The following ARMC10 variants were observed in gnomAD, a reference collection of about 807,000 sequenced individuals.
The protein encoded by ARMC10 is armadillo repeat containing 10, also known as armadillo repeat-containing protein 10.
A neutral mutation model predicts 30.2 loss-of-function variants in ARMC10; 23 were observed. That is an observed-to-expected ratio of 0.76 (90% CI 0.55 to 1.08). ARMC10 has a LOEUF of 1.08. Ranked by LOEUF, ARMC10 falls within the 50% of genes least tolerant of loss-of-function variation. ARMC10 has a pLI of 0.00. For missense variants in ARMC10, 303 were observed against 413.7 expected, an observed-to-expected ratio of 0.73 and a Z score of 2.32; for synonymous variants, 111 against 164.4, an observed-to-expected ratio of 0.68 and a Z score of 2.48.
intron 5 of ARMC10, among the ~76,000 whole-genome samples, chr7:103,094,302 C>T (rs937644998): frequency 6.6e-6 from 1 of 152,132 alleles, no homozygotes; most frequent in Non-Finnish European, 1.5e-5. Flanking sequence ...TTTAAAATGT[C>T]CTAGTGTCAC....
At position 103,075,185 on chromosome 7, in the gene ARMC10, C is replaced by G. The variant is rs1799573868; in HGVS notation, c.-88C>G. The G allele has an allele frequency of 3.0e-6, 3 of 987,148 alleles. No individual in the cohort carries two copies. Among genetic ancestry groups the G allele is most frequent in the African/African-American group, 1.7e-5 (1 of 58,014 alleles). The allele number at this position is 987,148 out of a possible 1,614,324, so 61.1% of individuals were successfully genotyped here. A position where few individuals can be genotyped will look rare whatever the true frequency, so the allele number is the denominator to read the frequency against. ...GGTCAGGTGGCGTTTGCTGTGGCGGCTAGGCCCGCGTGCGCTGGAGACCTC... is the reference window on the plus strand; with the variant it reads ...GGTCAGGTGGCGTTTGCTGTGGCGGGTAGGCCCGCGTGCGCTGGAGACCTC... On this transcript the variant is annotated 5_prime_UTR_variant, in exon 1 of 7. Transcript: ENST00000323716.
rs1421622607 is a variant in ARMC10, at chr7:103,075,404, G to A, written c.132G>A (p.Lys44=). 1 of 1,291,530 alleles carries A rather than the reference G, an allele frequency of 7.7e-7. No individual in the cohort carries two copies. Among genetic ancestry groups the A allele is most frequent in the Non-Finnish European group, 9.8e-7 (1 of 1,016,738 alleles). 80.0% of individuals were successfully genotyped at this position (1,291,530 alleles called of 1,614,324 possible). ...GCGAGCTCGGGATACGCTCTTCGAAGTCCGCAGGTGGGACCCCGGGGTTTC... is the reference window on the plus strand; with the variant it reads ...GCGAGCTCGGGATACGCTCTTCGAAATCCGCAGGTGGGACCCCGGGGTTTC... The part of the protein sequence containing the change: ...GDRELGIRSS[K]SAGALEEGTS... The change falls in exon 1 of 7, where the codon AAG becomes AAA. Residue 44 remains lysine (K), a synonymous_variant. Transcript: ENST00000323716.
At chr7:103,096,938 G>T in intron 5 of ARMC10, 1 of 293,544 alleles carries the variant, frequency 3.4e-6, no homozygotes, top group Middle Eastern at 1.1e-3. Context: ...ATAACCGTGT[G>T]ATAGAAAACC....
intron 3 of ARMC10, 28 bp downstream of exon 3, chr7:103,083,858 T>G: frequency 6.2e-7 from 1 of 1,608,682 alleles, no homozygotes; most frequent in Non-Finnish European, 8.5e-7. Flanking sequence ...GCAAGCAAGC[T>G]CTTTCCATTC....
At chr7:103,083,587 C>G in intron 2 of ARMC10, 95 bp from the exon 3 acceptor site, 1 of 1,130,576 alleles carries the variant, frequency 8.8e-7, no homozygotes. Flanking sequence ...GATTGTGCCA[C>G]CGCACACCAG....
At chr7:103,077,026 A>G (rs1227256953) in intron 2 of ARMC10, among the ~76,000 whole-genome samples, 1 of 152,110 alleles carries the variant, frequency 6.6e-6, no homozygotes, top group Non-Finnish European at 1.5e-5. Flanking sequence ...CCCACTAAGT[A>G]ACTAGGACTA....
Position 103,075,190 on chromosome 7 carries a change from C to A in ARMC10, c.-83C>A. The A allele has an allele frequency of 9.8e-7, 1 of 1,017,050 alleles. No individual in the cohort carries two copies. The highest frequency in any genetic ancestry group is 1.2e-6 in the Non-Finnish European group (1 of 826,658). The allele number at this position is 1,017,050 out of a possible 1,614,324, so 63.0% of individuals were successfully genotyped here. Reference sequence around the variant, plus strand: ...GGTGGCGTTTGCTGTGGCGGCTAGGCCCGCGTGCGCTGGAGACCTCCGCGC... The same window carrying A: ...GGTGGCGTTTGCTGTGGCGGCTAGGACCGCGTGCGCTGGAGACCTCCGCGC... On this transcript the variant is annotated 5_prime_UTR_variant, in exon 1 of 7. Coordinates refer to ENST00000323716, the MANE Select transcript of ARMC10 (RefSeq NM_031905.5).
At chr7:103,094,666 A>G (rs1310078521) in intron 5 of ARMC10, among the ~76,000 whole-genome samples, 1 of 152,102 alleles carries the variant, frequency 6.6e-6, no homozygotes, top group Non-Finnish European at 1.5e-5. Context: ...TTTTTTTCCT[A>G]ACACTTATTC....
rs778752982 is a variant in ARMC10, at chr7:103,075,144, C to A, written c.-129C>A. The A allele has an allele frequency of 1.5e-5, 9 of 615,280 alleles. No individual in the cohort carries two copies. Among genetic ancestry groups the A allele is most frequent in the African/African-American group, 2.0e-5 (1 of 50,570 alleles). The allele number at this position is 615,280 out of a possible 1,614,324, so 38.1% of individuals were successfully genotyped here. A position where few individuals can be genotyped will look rare whatever the true frequency, so the allele number is the denominator to read the frequency against. On this transcript the variant is annotated 5_prime_UTR_variant, in exon 1 of 7. Coordinates refer to ENST00000323716, the MANE Select transcript of ARMC10 (RefSeq NM_031905.5). ...GGGAGGCGGAGCTCAGACCCCATTTCCTTTCTCCACATCCAGGTCAGGTGG... is the reference window on the plus strand; with the variant it reads ...GGGAGGCGGAGCTCAGACCCCATTTACTTTCTCCACATCCAGGTCAGGTGG...
intron 2 of ARMC10, among the ~76,000 whole-genome samples, chr7:103,079,042 C>A (rs757030614): frequency 6.6e-6 from 1 of 152,058 alleles, no homozygotes; most frequent in Non-Finnish European, 1.5e-5. Context: ...TTTGTACTAA[C>A]GTGGTTTGAG....
intron 4 of ARMC10, among the ~76,000 whole-genome samples, chr7:103,088,268 G>GT (rs1461818723): frequency 6.6e-6 from 1 of 152,142 alleles, no homozygotes; most frequent in African/African-American, 2.4e-5. Flanking sequence ...GTCCAATACA[G>GT]TTATGGCTAA....
intron 3 of ARMC10, among the ~76,000 whole-genome samples, chr7:103,085,313 A>G (rs1800741588): frequency 6.6e-6 from 1 of 152,152 alleles, no homozygotes; most frequent in Admixed American, 6.5e-5. Context: ...AAGAACTTGA[A>G]ATTGTAAAGG....
rs999237447 is a variant in ARMC10, at chr7:103,081,788, A to G, written c.245-1894A>G. 1.9e-5 allele frequency: 8 copies of G among 423,184 alleles called. No homozygotes were observed. In the Admixed American group the frequency reaches 2.2e-4, roughly 12 times the overall value. 26.2% of individuals were successfully genotyped at this position (423,184 alleles called of 1,614,324 possible). The stretch of plus-strand genomic sequence containing the variant: ...ATTTCTGCCATGCATGTGCACGTGT[A>G]TGTATGCATGTGTATATGAAATCAT... On this transcript the variant is annotated intron_variant, in intron 2 of 6. Coordinates refer to ENST00000323716, the MANE Select transcript of ARMC10 (RefSeq NM_031905.5).
rs370760019 is a variant in ARMC10 at position 103,077,016 on chromosome 7, C to T, written c.244+1135C>T. On this transcript the variant is annotated intron_variant, in intron 2 of 6. Transcript: ENST00000323716. ...CTTCCCTGGGCTCCTCCCACCTCAC[C>T]CCACTAAGTAACTAGGACTACAGGT... is the stretch of plus-strand genomic sequence containing the variant. 2.2e-4 allele frequency among the ~76,000 whole-genome samples: 34 copies of T among 152,218 alleles called. No individual in the cohort carries two copies. The South Asian group carries it at 7.0e-3, about 32-fold the overall frequency.
chr7:103,086,620 C>A lies in ARMC10; in HGVS notation c.394-10C>A. ...CCAGTCCTGCTTTTTTTTTTTTTTTCCCCTCGTAGGCTATTATTCGTGAAT... is the reference window on the plus strand; with the variant it reads ...CCAGTCCTGCTTTTTTTTTTTTTTTACCCTCGTAGGCTATTATTCGTGAAT... On this transcript the variant is annotated splice_polypyrimidine_tract_variant and intron_variant, in intron 3 of 6. Transcript: ENST00000323716. 1.5e-5 allele frequency: 23 copies of A among 1,502,452 alleles called. No individual in the cohort carries two copies. The highest frequency in any genetic ancestry group is 2.5e-5 in the East Asian group (1 of 40,152). The allele number at this position is 1,502,452 out of a possible 1,614,324, so 93.1% of individuals were successfully genotyped here.
intron 4 of ARMC10, among the ~76,000 whole-genome samples, chr7:103,087,352 C>T (rs1472630908): frequency 6.6e-6 from 1 of 152,126 alleles, no homozygotes; most frequent in Non-Finnish European, 1.5e-5. Context: ...GAGAAATCCT[C>T]CATTTTAGGA....
chr7:103,087,835 G>GAC, intron 4 of ARMC10: 1 of 961,256 alleles, frequency 1.0e-6, no homozygotes. Context: ...GTACTATATA[G>GAC]ACTAGAAAAT....
Position 103,098,754 on chromosome 7 carries a change from C to T in ARMC10, c.*201C>T. 3.3e-6 allele frequency: 2 copies of T among 599,018 alleles called. No individual in the cohort carries two copies. Among genetic ancestry groups the T allele is most frequent in the Non-Finnish European group, 5.2e-6 (2 of 387,118 alleles). 37.1% of individuals were successfully genotyped at this position (599,018 alleles called of 1,614,324 possible). ...TGAATATAAGAGCTTGTACTGAAAC[C>T]ATTTATTTCTTTCTATTTTGCTATT... On this transcript the variant is annotated 3_prime_UTR_variant, in exon 7 of 7. Transcript: ENST00000323716.
intron 2 of ARMC10, 27 bp from the exon 3 acceptor site, chr7:103,083,650 GCTTAA>G: frequency 6.3e-7 from 1 of 1,583,846 alleles, no homozygotes; most frequent in South Asian, 1.1e-5. Flanking sequence ...ATTGATTTTA[GCTTAA>G]CTTCAAATAA....
Sources: allele counts gnomAD v4.1 joint callset (sites outside exome capture counted in the v4.1 genomes callset), GRCh38; gene constraint gnomAD v4.1.1; transcripts MANE v1.5; gene names NCBI Gene and HGNC (gene_info 2026-07-23, HGNC 2026-07-21).